The following GABRG2 variants were observed in gnomAD, a reference collection of about 807,000 sequenced individuals.
The protein encoded by GABRG2 is gamma-aminobutyric acid receptor subunit gamma-2.
Under a neutral mutation model 56.4 loss-of-function variants are expected in GABRG2, and 16 were observed. That is an observed-to-expected ratio of 0.28 (90% CI 0.19 to 0.43). GABRG2 has a LOEUF of 0.43. Among genes scored for constraint, GABRG2 ranks in the 20% least tolerant of loss-of-function variants. The pLI is 1.00. For missense variants in GABRG2, 327 were observed against 582.7 expected, an observed-to-expected ratio of 0.56 and a Z score of 4.52; for synonymous variants, 208 against 205.5, an observed-to-expected ratio of 1.01 and a Z score of -0.10.
intron 5 of GABRG2, chr5:162,101,805 C>T (rs1390647337): frequency 1.9e-5 from 3 of 159,008 alleles, no homozygotes; most frequent in Admixed American, 6.0e-5. Flanking sequence ...ATTATTTTTA[C>T]ATTTATTATT....
At chr5:162,130,090 T>C (rs1231242754) in intron 6 of GABRG2, among the ~76,000 whole-genome samples, 1 of 151,932 alleles carries the variant, frequency 6.6e-6, no homozygotes, top group Admixed American at 6.6e-5. Flanking sequence ...CTATATAGTA[T>C]GGTAAAGTGT....
At chr5:162,092,584 T>C (rs2113288593) in intron 1 of GABRG2, among the ~76,000 whole-genome samples, 1 of 152,264 alleles carries the variant, frequency 6.6e-6, no homozygotes, top group East Asian at 1.9e-4. Context: ...CACACATACA[T>C]ACACACACAG....
At chr5:162,151,847 C>T (rs1765396535) in intron 9 of GABRG2, 94 bp downstream of exon 9, 2 of 1,084,544 alleles carry the variant, frequency 1.8e-6, no homozygotes, top group Non-Finnish European at 1.4e-6. Flanking sequence ...TATGAGTAGA[C>T]ATTTAAGCAT....
At position 162,085,655 on chromosome 5, in the gene GABRG2, G is replaced by C. The variant is rs527410440; in HGVS notation, c.108-8173G>C. ...TAAACTTGTGTTATGGGGGTTTGTT[G>C]TACAGATTATTTCATCACACAGGTA... On this transcript the variant is annotated intron_variant, in intron 1 of 9. Coordinates refer to ENST00000639213, the MANE Select transcript of GABRG2 (RefSeq NM_198904.4). Among the ~76,000 whole-genome samples the C allele has an allele frequency of 9.2e-4, 136 of 147,622 alleles. 1 individual carries two copies. Among genetic ancestry groups the C allele is most frequent in the African/African-American group, 2.6e-3 (106 of 40,066 alleles).
chr5:162,070,064 T>C, intron 1 of GABRG2, among the ~76,000 whole-genome samples: 1 of 152,178 alleles, frequency 6.6e-6, no homozygotes, highest in African/African-American at 2.4e-5. Context: ...TACTATAGTT[T>C]ATAAGAAAAT....
rs1476980332 is a variant in GABRG2 at position 162,142,089 on chromosome 5, T to C, written c.770-75T>C. The C allele has an allele frequency of 2.7e-6, 4 of 1,496,628 alleles. No homozygotes were observed. The Admixed American group carries it at 5.0e-5, about 19-fold the overall frequency. The allele number at this position is 1,496,628 out of a possible 1,614,324, so 92.7% of individuals were successfully genotyped here. A position where few individuals can be genotyped will look rare whatever the true frequency, so the allele number is the denominator to read the frequency against. On this transcript the variant is annotated intron_variant, in intron 6 of 9. Transcript: ENST00000639213. ...AATTTAAATGTGTGTGCATAACCATTAAATACATGCTTAGTTTTAATGTTT... is the reference window on the plus strand; with the variant it reads ...AATTTAAATGTGTGTGCATAACCATCAAATACATGCTTAGTTTTAATGTTT...
At chr5:162,139,074 A>G (rs1040639766) in intron 6 of GABRG2, among the ~76,000 whole-genome samples, 64 of 152,312 alleles carry the variant, frequency 4.2e-4, no homozygotes, top group African/African-American at 1.4e-3. Context: ...CTCACACACA[A>G]AAAAGATAAA....
chr5:162,123,336 G>T lies in GABRG2; in HGVS notation c.770-18828G>T, dbSNP rs553122041. ...GGATAAGATATAATCATCTTTATTG[G>T]ACTCTAATAATGTTCTAGGCATATG... On this transcript the variant is annotated intron_variant, in intron 6 of 9. Coordinates refer to ENST00000639213, the MANE Select transcript of GABRG2 (RefSeq NM_198904.4). Among the ~76,000 whole-genome samples, 8 of 151,318 alleles carry T rather than the reference G, an allele frequency of 5.3e-5. No homozygotes were observed. In the South Asian group the frequency reaches 1.0e-3, roughly 20 times the overall value.
At chr5:162,137,565 G>T (rs887809505) in intron 6 of GABRG2, among the ~76,000 whole-genome samples, 1 of 151,742 alleles carries the variant, frequency 6.6e-6, no homozygotes, top group African/African-American at 2.4e-5. Flanking sequence ...AAAAATTTAG[G>T]GTTTTTTTTC....
At chr5:162,113,162 G>T (rs1311278118) in intron 6 of GABRG2, among the ~76,000 whole-genome samples, 1 of 151,860 alleles carries the variant, frequency 6.6e-6, no homozygotes, top group Admixed American at 6.6e-5. Context: ...TTGGTCTCAA[G>T]CTCCCGACCT....
At chr5:162,097,532 T>A (rs578186142) in intron 3 of GABRG2, 106 bp from the exon 4 acceptor site, 1 of 891,130 alleles carries the variant, frequency 1.1e-6, no homozygotes, top group South Asian at 1.4e-5. Flanking sequence ...AAAGCCAAGA[T>A]AGCTTTGCTT....
At chr5:162,086,170 T>C (rs1418181093) in intron 1 of GABRG2, among the ~76,000 whole-genome samples, 2 of 152,048 alleles carry the variant, frequency 1.3e-5, no homozygotes, top group Non-Finnish European at 2.9e-5. Context: ...GCATGTTACA[T>C]AGGCAGCTCC....
chr5:162,106,710 T>C (rs1410079946), intron 6 of GABRG2, among the ~76,000 whole-genome samples: 4 of 152,200 alleles, frequency 2.6e-5, no homozygotes, highest in Admixed American at 2.6e-4. Flanking sequence ...AATTGCCACA[T>C]AGCTTAGTGA....
chr5:162,105,814 T>TACACACACAC (rs67276484), intron 6 of GABRG2, among the ~76,000 whole-genome samples: 3,092 of 147,536 alleles, frequency 0.021, 107 homozygotes, highest in African/African-American at 0.07. Context: ...AGAAAACACA[T>TACACACACAC]ACACACACAC....
intron 6 of GABRG2, among the ~76,000 whole-genome samples, chr5:162,110,976 A>G (rs2113418108): frequency 6.6e-6 from 1 of 152,226 alleles, no homozygotes; most frequent in East Asian, 1.9e-4. Context: ...CCTCCTTGGG[A>G]TGAAAGTTCC....
intron 1 of GABRG2, among the ~76,000 whole-genome samples, chr5:162,091,873 G>C (rs1437842952): frequency 2.0e-5 from 3 of 152,036 alleles, no homozygotes; most frequent in Non-Finnish European, 2.9e-5. Flanking sequence ...CCCTTTTCTT[G>C]AAGAAAATTT....
At chr5:162,073,598 T>C (rs950376139) in intron 1 of GABRG2, among the ~76,000 whole-genome samples, 15 of 151,996 alleles carry the variant, frequency 9.9e-5, no homozygotes, top group Non-Finnish European at 1.8e-4. Context: ...TATTTGGATA[T>C]GTATAGTTTT....
At chr5:162,086,907 G>GTACA (rs1760165418) in intron 1 of GABRG2, among the ~76,000 whole-genome samples, 1 of 151,668 alleles carries the variant, frequency 6.6e-6, no homozygotes, top group African/African-American at 2.4e-5. Flanking sequence ...GTACTTTCTT[G>GTACA]TACATGTCTT....
At chr5:162,115,054 A>C (rs1561649279) in intron 6 of GABRG2, among the ~76,000 whole-genome samples, 2 of 152,206 alleles carry the variant, frequency 1.3e-5, no homozygotes. Flanking sequence ...AGATCTACAT[A>C]GTTAATGTTC....
Sources: allele counts gnomAD v4.1 joint callset (sites outside exome capture counted in the v4.1 genomes callset), GRCh38; gene constraint gnomAD v4.1.1; transcripts MANE v1.5; gene names NCBI Gene and HGNC (gene_info 2026-07-23, HGNC 2026-07-21).